Variants in KCNB2 observed in about 807,000 individuals in gnomAD.
KCNB2 encodes potassium voltage-gated channel subfamily B member 2, also known as delayed rectifier potassium channel protein.
In KCNB2, 15 loss-of-function variants were observed where a neutral mutation model predicts 61.5. The ratio of observed to expected loss-of-function variants is 0.24; its 90% CI spans 0.16 to 0.38. The LOEUF is 0.38. Ranked by LOEUF, KCNB2 falls within the 10% of genes least tolerant of loss-of-function variation. The pLI, the probability that KCNB2 is intolerant of heterozygous loss-of-function variation, is 1.00. For missense variants in KCNB2, 828 were observed against 1,125.2 expected (o/e 0.74, Z 3.78); for synonymous variants, 457 against 446.0 (o/e 1.02, Z -0.31).
intron 2 of KCNB2, among the ~76,000 whole-genome samples, chr8:72,754,456 A>C (rs1442762680): frequency 6.6e-6 from 1 of 152,138 alleles, no homozygotes; most frequent in Non-Finnish European, 1.5e-5. Flanking sequence ...TAAAACCCTG[A>C]GGGAGGGGAC....
intron 2 of KCNB2, among the ~76,000 whole-genome samples, chr8:72,737,550 G>A (rs1807868134): frequency 6.6e-6 from 1 of 152,198 alleles, no homozygotes; most frequent in Non-Finnish European, 1.5e-5. Flanking sequence ...CAGATTCAAT[G>A]TTTAGTTTCA....
intron 1 of KCNB2, among the ~76,000 whole-genome samples, chr8:72,559,709 G>C (rs1157611543): frequency 6.6e-6 from 1 of 152,184 alleles, no homozygotes; most frequent in Admixed American, 6.5e-5. Context: ...CAATATGTAG[G>C]AGATAACTCA....
intron 2 of KCNB2, among the ~76,000 whole-genome samples, chr8:72,592,758 G>A (rs368480041): frequency 1.3e-5 from 2 of 152,076 alleles, no homozygotes; most frequent in East Asian, 1.9e-4. Context: ...CACCCTGAAG[G>A]TCCATGCTAG....
intron 2 of KCNB2, among the ~76,000 whole-genome samples, chr8:72,762,967 A>G (rs1367587128): frequency 6.7e-6 from 1 of 149,824 alleles, no homozygotes; most frequent in African/African-American, 2.4e-5. Flanking sequence ...TTAATGGCAA[A>G]ATAAGGCATA....
rs779284283 is a variant in KCNB2, at chr8:72,936,918, C to G, written c.1563C>G (p.His521Gln). ...AGGAGGTTAGCCAAAAAGACTCCCA[C>G]GAGCAGCTGAACAACACGTCTTCCT... Reference protein sequence around the residue: ...KYQEVSQKDSHEQLNNTSSSS... With the variant: ...KYQEVSQKDSQEQLNNTSSSS... Residue 521 changes from histidine to glutamine, a missense_variant, in exon 3 of 3, where the codon CAC (histidine) becomes CAG (glutamine). This residue lies in a region of KCNB2 where 559 missense variants were observed against 588.4 expected (regional missense o/e 0.95). Transcript: ENST00000523207. The surrounding 1 kb of genome is among the most constrained non-coding windows in gnomAD (Gnocchi z 5.6). 10 of 1,614,018 alleles carry G rather than the reference C, an allele frequency of 6.2e-6. No homozygotes were observed. The highest frequency in any genetic ancestry group is 7.6e-6 in the Non-Finnish European group (9 of 1,180,038).
intron 2 of KCNB2, among the ~76,000 whole-genome samples, chr8:72,676,605 A>G (rs1443705652): frequency 6.6e-6 from 1 of 151,648 alleles, no homozygotes; most frequent in East Asian, 1.9e-4. Flanking sequence ...GGGGATATAT[A>G]GAATTTACAT....
intron 2 of KCNB2, among the ~76,000 whole-genome samples, chr8:72,600,757 C>T (rs1393902531): frequency 2.0e-5 from 3 of 151,942 alleles, no homozygotes; most frequent in East Asian, 3.9e-4. Context: ...AAATATCACA[C>T]GTTCTCACTT....
chr8:72,672,930 T>C (rs899414577), intron 2 of KCNB2, among the ~76,000 whole-genome samples: 7 of 152,216 alleles, frequency 4.6e-5, no homozygotes, highest in African/African-American at 1.7e-4. Flanking sequence ...ATTAGAACTC[T>C]TGTGCCTTGC....
intron 2 of KCNB2, among the ~76,000 whole-genome samples, chr8:72,918,562 T>G (rs922265771): frequency 3.3e-5 from 5 of 152,318 alleles, no homozygotes; most frequent in Non-Finnish European, 7.4e-5. Context: ...AGTACTCAGA[T>G]CTGGGAAAAT....
chr8:72,653,992 A>G (rs1193775445), intron 2 of KCNB2, among the ~76,000 whole-genome samples: 2 of 152,174 alleles, frequency 1.3e-5, no homozygotes, highest in Non-Finnish European at 2.9e-5. Flanking sequence ...GGAAGAGGAA[A>G]TTCTGTTAAG....
intron 2 of KCNB2, among the ~76,000 whole-genome samples, chr8:72,783,436 T>A (rs1808797190): frequency 6.6e-6 from 1 of 152,154 alleles, no homozygotes; most frequent in Non-Finnish European, 1.5e-5. Context: ...TCTCAGGCCC[T>A]TGAGTATGCA....
chr8:72,711,628 G>A (rs1807328280), intron 2 of KCNB2, among the ~76,000 whole-genome samples: 1 of 152,226 alleles, frequency 6.6e-6, no homozygotes, highest in African/African-American at 2.4e-5. Flanking sequence ...GGTGCACAGG[G>A]TTCCTGACAG....
chr8:72,746,185 C>T (rs552184831), intron 2 of KCNB2, among the ~76,000 whole-genome samples: 7 of 152,088 alleles, frequency 4.6e-5, no homozygotes, highest in Non-Finnish European at 8.8e-5. Context: ...ATTAAGCACC[C>T]CTTTCCCAAG....
At chr8:72,686,940 G>A (rs915867691) in intron 2 of KCNB2, among the ~76,000 whole-genome samples, 4 of 152,162 alleles carry the variant, frequency 2.6e-5, no homozygotes, top group African/African-American at 7.2e-5. Flanking sequence ...AAATAATGAG[G>A]ATAGGCTGTC....
chr8:72,572,371 G>A (rs920301563), intron 2 of KCNB2, among the ~76,000 whole-genome samples: 2 of 152,088 alleles, frequency 1.3e-5, no homozygotes, highest in African/African-American at 2.4e-5. Context: ...CAAAATCTGC[G>A]GAAACACATT....
chr8:72,924,859 A>G (rs1391853425), intron 2 of KCNB2, among the ~76,000 whole-genome samples: 1 of 152,182 alleles, frequency 6.6e-6, no homozygotes, highest in Non-Finnish European at 1.5e-5. Context: ...ACTACTGTTC[A>G]TAGGGCCCTG....
chr8:72,667,134 G>T (rs1806489289), intron 2 of KCNB2, among the ~76,000 whole-genome samples: 1 of 152,106 alleles, frequency 6.6e-6, no homozygotes, highest in South Asian at 2.1e-4. Context: ...AAAAAGCAGG[G>T]ATAATGATAA....
intron 2 of KCNB2, among the ~76,000 whole-genome samples, chr8:72,867,801 T>C (rs1805552968): frequency 6.6e-6 from 1 of 152,184 alleles, no homozygotes; most frequent in African/African-American, 2.4e-5. Flanking sequence ...TCTTTTTTTC[T>C]TTTATGTCAG....
At chr8:72,892,634 G>T (rs1805916694) in intron 2 of KCNB2, among the ~76,000 whole-genome samples, 1 of 152,172 alleles carries the variant, frequency 6.6e-6, no homozygotes, top group African/African-American at 2.4e-5. Flanking sequence ...CTTGCTCAAA[G>T]TTTATGTCCC....
Sources: allele counts gnomAD v4.1 joint callset (sites outside exome capture counted in the v4.1 genomes callset), GRCh38; gene constraint gnomAD v4.1.1; regional missense constraint gnomAD v4.1.1; non-coding constraint Gnocchi (gnomAD v3.1); transcripts MANE v1.5; gene names NCBI Gene and HGNC (gene_info 2026-07-23, HGNC 2026-07-21).